CACNA1D: variants seen among roughly 807,000 people sequenced by gnomAD.
The protein encoded by CACNA1D is voltage-dependent L-type calcium channel subunit alpha-1D.
CACNA1D carries 55 observed loss-of-function variants against 257.1 expected under a neutral mutation model. That is an observed-to-expected ratio of 0.21 (90% CI 0.17 to 0.27). The LOEUF is 0.27. CACNA1D is among the 10% of genes least tolerant of loss of function. The pLI, the probability that CACNA1D is intolerant of heterozygous loss-of-function variation, is 1.00. For missense variants in CACNA1D, 1,876 were observed against 2,784.0 expected (o/e 0.67, Z 7.34); for synonymous variants, 980 against 1,014.9 (o/e 0.97, Z 0.65).
chr3:53,574,655 C>G (rs1029328436), intron 3 of CACNA1D, among the ~76,000 whole-genome samples: 2 of 151,904 alleles, frequency 1.3e-5, no homozygotes, highest in African/African-American at 2.4e-5. Flanking sequence ...TGGCATCTCC[C>G]CCACCCCCAG....
At chr3:53,707,177 T>C (rs759739512) in intron 9 of CACNA1D, among the ~76,000 whole-genome samples, 1 of 152,102 alleles carries the variant, frequency 6.6e-6, no homozygotes, top group Non-Finnish European at 1.5e-5. Flanking sequence ...TAAATGTCAC[T>C]GCATGCGTCT....
In CACNA1D at chr3:53,590,076, C is replaced by T. The variant is rs17053231; in HGVS notation, c.484-60703C>T. Among the ~76,000 whole-genome samples, 947 of 152,328 alleles carry T rather than the reference C, an allele frequency of 6.2e-3. 14 individuals carry two copies. The highest frequency in any genetic ancestry group is 0.021 in the African/African-American group (873 of 41,574). On this transcript the variant is annotated intron_variant, in intron 3 of 47. Transcript: ENST00000350061. Reference sequence around the variant, plus strand: ...CTCAAATCCCTTTGGTCCTTTTCATCACTTCTGTGCAGGACATCCCAGCCC... The same window carrying T: ...CTCAAATCCCTTTGGTCCTTTTCATTACTTCTGTGCAGGACATCCCAGCCC...
At chr3:53,780,177 A>C (rs765681654) in intron 38 of CACNA1D, 49 bp downstream of exon 38, 2 of 1,365,134 alleles carry the variant, frequency 1.5e-6, no homozygotes, top group South Asian at 2.3e-5. Context: ...GGAGAGAGAC[A>C]TCACATCCCA....
intron 7 of CACNA1D, among the ~76,000 whole-genome samples, chr3:53,671,499 G>A (rs1427091398): frequency 6.6e-6 from 1 of 152,230 alleles, no homozygotes; most frequent in Non-Finnish European, 1.5e-5. Flanking sequence ...AAGTTTAGTG[G>A]TATAGTTGCT....
chr3:53,749,201 A>G, intron 26 of CACNA1D, 67 bp from the exon 27 acceptor site: 1 of 1,121,176 alleles, frequency 8.9e-7, no homozygotes, highest in Non-Finnish European at 1.3e-6. Context: ...GGACCTGGGA[A>G]GGCAGCGGGC....
intron 29 of CACNA1D, among the ~76,000 whole-genome samples, chr3:53,757,068 T>G (rs759535267): frequency 6.6e-6 from 1 of 152,238 alleles, no homozygotes; most frequent in Non-Finnish European, 1.5e-5. Flanking sequence ...GTCCTCATGC[T>G]GCTGTGCAGA....
intron 3 of CACNA1D, among the ~76,000 whole-genome samples, chr3:53,534,392 T>C (rs1391312903): frequency 6.6e-6 from 1 of 152,272 alleles, no homozygotes; most frequent in Non-Finnish European, 1.5e-5. Flanking sequence ...TTAGGGCCTG[T>C]GCCCATTCTG....
At chr3:53,631,993 C>T (rs1287415156) in intron 3 of CACNA1D, among the ~76,000 whole-genome samples, 3 of 152,188 alleles carry the variant, frequency 2.0e-5, no homozygotes, top group African/African-American at 7.2e-5. Context: ...CTGGGATTTT[C>T]AGAATGATAA....
intron 40 of CACNA1D, among the ~76,000 whole-genome samples, chr3:53,795,081 C>T (rs944884883): frequency 2.0e-5 from 3 of 152,236 alleles, no homozygotes; most frequent in Admixed American, 1.3e-4. Flanking sequence ...TGTCCCCATT[C>T]GTCTAGCATG....
At chr3:53,647,103 T>A (rs752649315) in intron 3 of CACNA1D, among the ~76,000 whole-genome samples, 30 of 151,614 alleles carry the variant, frequency 2.0e-4, no homozygotes, top group Non-Finnish European at 3.7e-4. Flanking sequence ...TCTAGTGGCT[T>A]GAGTTCTCGT....
At chr3:53,590,798 A>C (rs1317966952) in intron 3 of CACNA1D, among the ~76,000 whole-genome samples, 1 of 152,182 alleles carries the variant, frequency 6.6e-6, no homozygotes, top group Non-Finnish European at 1.5e-5. Context: ...GAGAGGATCG[A>C]GTGAGCGGGC....
chr3:53,660,271 G>A lies in CACNA1D; in HGVS notation c.762G>A (p.Val254=), dbSNP rs1403737985. 6.2e-7 allele frequency: 1 copy of A among 1,613,972 alleles called. No individual in the cohort carries two copies. Among genetic ancestry groups the A allele is most frequent in the Non-Finnish European group, 8.5e-7 (1 of 1,179,928 alleles). ...GACCACTTCGACTAGTGTCAGGAGT[G>A]CCCAGTAAGCACTTATTGTTTCCTA... is the stretch of plus-strand genomic sequence containing the variant. The part of the protein sequence containing the change: ...VLRPLRLVSG[V]PSLQVVLNSI... The change falls in exon 5 of 48, where the codon GTG becomes GTA. Residue 254 remains valine (V), a synonymous_variant. Transcript: ENST00000350061.
At chr3:53,701,064 G>A (rs1452511733) in intron 8 of CACNA1D, among the ~76,000 whole-genome samples, 1 of 151,882 alleles carries the variant, frequency 6.6e-6, no homozygotes, top group South Asian at 2.1e-4. Flanking sequence ...GGGTGTGCAA[G>A]CATCTGTTCA....
chr3:53,698,040 C>A (rs1442874966), intron 8 of CACNA1D, among the ~76,000 whole-genome samples: 1 of 152,208 alleles, frequency 6.6e-6, no homozygotes, highest in African/African-American at 2.4e-5. Context: ...TTTCAACAGG[C>A]AGACCTAGGA....
At chr3:53,739,628 A>G (rs1426097628) in intron 20 of CACNA1D, among the ~76,000 whole-genome samples, 1 of 152,106 alleles carries the variant, frequency 6.6e-6, no homozygotes, top group Non-Finnish European at 1.5e-5. Context: ...TTTAAAAAAA[A>G]CCCTGAGTTT....
chr3:53,629,258 C>A (rs2093795590), intron 3 of CACNA1D, among the ~76,000 whole-genome samples: 1 of 152,208 alleles, frequency 6.6e-6, no homozygotes, highest in Admixed American at 6.6e-5. Context: ...TTGAATTTAG[C>A]CCAAGATGGT....
chr3:53,733,116 C>A (rs2095015934), intron 19 of CACNA1D, among the ~76,000 whole-genome samples, 154 bp downstream of exon 19: 1 of 152,188 alleles, frequency 6.6e-6, no homozygotes, highest in Non-Finnish European at 1.5e-5. Context: ...CCCTCCAACC[C>A]CTCTCTCCTC....
intron 3 of CACNA1D, among the ~76,000 whole-genome samples, chr3:53,566,603 T>C (rs1360893314): frequency 6.6e-6 from 1 of 152,194 alleles, no homozygotes; most frequent in Admixed American, 6.5e-5. Flanking sequence ...CTTTGTCTTT[T>C]TAACTGCTGT....
intron 9 of CACNA1D, among the ~76,000 whole-genome samples, chr3:53,707,501 T>C (rs988419913): frequency 3.3e-5 from 5 of 152,168 alleles, no homozygotes; most frequent in Non-Finnish European, 7.4e-5. Context: ...TCATAGAATA[T>C]TTAAAATGTC....
Sources: gnomAD v4.1 joint callset for allele counts (sites outside exome capture counted in the v4.1 genomes callset) on GRCh38, gnomAD v4.1.1 for gene constraint, MANE v1.5 for transcripts, NCBI Gene and HGNC (gene_info 2026-07-23, HGNC 2026-07-21) for gene names.